The following SUMF1 variants were observed in gnomAD, a reference collection of about 807,000 sequenced individuals.
The protein encoded by SUMF1 is formylglycine-generating enzyme.
A neutral mutation model predicts 47.6 loss-of-function variants in SUMF1; 48 were observed. That is an observed-to-expected ratio of 1.01 (90% CI 0.80 to 1.28). The LOEUF (loss-of-function observed/expected upper bound fraction) is 1.28. Ranked by LOEUF, SUMF1 falls within the 50% of genes most tolerant of loss-of-function variation. The pLI, the probability that SUMF1 is intolerant of heterozygous loss-of-function variation, is 0.00. For missense variants in SUMF1, 571 were observed against 485.4 expected, an observed-to-expected ratio of 1.18 and a Z score of -1.66; for synonymous variants, 230 against 192.1, an observed-to-expected ratio of 1.20 and a Z score of -1.63.
chr3:4,338,925 A>G (rs1699211143), intron 8 of SUMF1, among the ~76,000 whole-genome samples: 1 of 152,084 alleles, frequency 6.6e-6, no homozygotes, highest in Non-Finnish European at 1.5e-5. Context: ...GCGGACTGGG[A>G]CCAGGTCTGT....
At position 4,361,721 on chromosome 3, in the gene SUMF1, A is replaced by T. The variant is rs1699763825; in HGVS notation, c.*423T>A. The T allele has an allele frequency of 4.8e-6, 1 of 207,748 alleles. No individual in the cohort carries two copies. Among genetic ancestry groups the T allele is most frequent in the Non-Finnish European group, 9.9e-6 (1 of 101,266 alleles). 12.9% of individuals were successfully genotyped at this position (207,748 alleles called of 1,614,324 possible). On this transcript the variant is annotated 3_prime_UTR_variant, in exon 9 of 9. Transcript: ENST00000272902. Reference sequence around the variant, plus strand: ...CAATAGAATCTGATACCCTTTTTAGAACTGGTGAGTTGGAGAGACACCCAG... The same window carrying T: ...CAATAGAATCTGATACCCTTTTTAGTACTGGTGAGTTGGAGAGACACCCAG...
At chr3:4,159,871 G>C (rs1694536675) in intron 8 of SUMF1, among the ~76,000 whole-genome samples, 1 of 152,082 alleles carries the variant, frequency 6.6e-6, no homozygotes. Flanking sequence ...CTTTAAATAT[G>C]TCATGCCATT....
chr3:4,310,931 T>G (rs73806996), intron 8 of SUMF1, among the ~76,000 whole-genome samples: 1,748 of 152,348 alleles, frequency 0.011, 39 homozygotes, highest in African/African-American at 0.04. Context: ...CCATTTACAT[T>G]TGAACACTGA....
rs1701773581 is a variant in SUMF1 at position 4,418,069 on chromosome 3, C to T, written c.666G>A (p.Gly222=). The change falls in exon 5 of 9, where the codon GGG becomes GGA. Residue 222 remains glycine (G), a synonymous_variant. Transcript: ENST00000272902. ...ACTCAGCTTCCGTGGGCAGCCGCTT[C>T]CCTGCCCAAGTGCAGTAGGCAACCG... ...NDAVAYCTWA[G]KRLPTEAEWE... is the part of the protein sequence containing the mutation. 1.2e-6 allele frequency: 2 copies of T among 1,613,930 alleles called. No individual in the cohort carries two copies. The highest frequency in any genetic ancestry group is 2.7e-5 in the African/African-American group (2 of 74,912).
intron 9 of SUMF1, among the ~76,000 whole-genome samples, chr3:4,049,045 C>A (rs562456639): frequency 4.5e-4 from 69 of 152,176 alleles, no homozygotes; most frequent in African/African-American, 1.7e-3. Context: ...ATTTGAAAGC[C>A]ATGGGGAGCA....
At chr3:4,455,181 C>T (rs2633859) in intron 1 of SUMF1, among the ~76,000 whole-genome samples, 55,075 of 151,966 alleles carry the variant, frequency 0.36, 10,092 homozygotes, top group Non-Finnish European at 0.39. Context: ...TTTGAGTGAG[C>T]CAATTAATAG....
chr3:4,303,227 G>C (rs1698017061), intron 8 of SUMF1: 1 of 855,806 alleles, frequency 1.2e-6, no homozygotes, highest in Non-Finnish European at 1.7e-6. Flanking sequence ...AAAAAGTCAA[G>C]GAAGGGAAGC....
chr3:4,135,654 G>A (rs961535756), intron 8 of SUMF1, among the ~76,000 whole-genome samples: 2 of 152,098 alleles, frequency 1.3e-5, no homozygotes, highest in African/African-American at 4.8e-5. Flanking sequence ...GAAATAAAGG[G>A]CATTCAATTA....
chr3:4,167,761 G>A (rs1694742023), intron 8 of SUMF1, among the ~76,000 whole-genome samples: 1 of 152,178 alleles, frequency 6.6e-6, no homozygotes, highest in Non-Finnish European at 1.5e-5. Context: ...GGTCAAAGAA[G>A]CAAGCGCTAA....
At chr3:4,155,265 A>G (rs1175083750) in intron 8 of SUMF1, among the ~76,000 whole-genome samples, 1 of 151,290 alleles carries the variant, frequency 6.6e-6, no homozygotes, top group Non-Finnish European at 1.5e-5. Context: ...TATTAATGAC[A>G]TGAAACAGGT....
chr3:4,410,676 AC>A (rs1228992571), intron 7 of SUMF1, among the ~76,000 whole-genome samples, 188 bp downstream of exon 7: 4 of 152,246 alleles, frequency 2.6e-5, no homozygotes, highest in Admixed American at 2.6e-4. Flanking sequence ...TAACATGCTC[AC>A]AGACATTTTT....
chr3:4,107,955 A>G (rs1234116215), intron 8 of SUMF1, among the ~76,000 whole-genome samples: 1 of 152,132 alleles, frequency 6.6e-6, no homozygotes, highest in Non-Finnish European at 1.5e-5. Flanking sequence ...AAGAAAAGAA[A>G]GAAAGAGATA....
intron 8 of SUMF1, among the ~76,000 whole-genome samples, chr3:4,129,345 A>C (rs1338104404): frequency 6.6e-6 from 1 of 152,142 alleles, no homozygotes; most frequent in Admixed American, 6.6e-5. Flanking sequence ...TAATCTGACT[A>C]ATGTAGAGTT....
chr3:4,129,912 A>C (rs1040327678), intron 8 of SUMF1, among the ~76,000 whole-genome samples: 2 of 152,150 alleles, frequency 1.3e-5, no homozygotes, highest in Non-Finnish European at 2.9e-5. Flanking sequence ...TGGCACAAAC[A>C]TACTTAGCAG....
rs781161220 is a variant in SUMF1 at position 4,313,181 on chromosome 3, A to AT, written c.1014+63148dup. On this transcript the variant is annotated intron_variant and NMD_transcript_variant, in intron 8 of 12. Transcript: ENST00000448413. ...TTCCACTTCCAAGTGTTCAAGACGC[A>AT]TAAAAAAGGCTGGGGACTTCGTACC... 2.5e-6 allele frequency: 4 copies of AT among 1,614,088 alleles called. No homozygotes were observed. In the East Asian group the frequency reaches 8.9e-5, roughly 36 times the overall value.
chr3:4,339,805 G>T lies in SUMF1; in HGVS notation c.1014+36525C>A, dbSNP rs554990530. 3.9e-5 allele frequency among the ~76,000 whole-genome samples: 6 copies of T among 152,288 alleles called. No homozygotes were observed. The South Asian group carries it at 1.2e-3, about 32-fold the overall frequency. On this transcript the variant is annotated intron_variant and NMD_transcript_variant, in intron 8 of 12. Transcript: ENST00000448413. ...TTGAAACACTGACTGGGCCAGGCAT[G>T]GTGGCTCACGCCTGTAATCCTAACA...
chr3:4,172,648 T>C (rs771400735), intron 8 of SUMF1, among the ~76,000 whole-genome samples: 7 of 152,228 alleles, frequency 4.6e-5, no homozygotes, highest in Non-Finnish European at 8.8e-5. Context: ...TGTCTTCTTT[T>C]GAGAAGGGTC....
intron 8 of SUMF1, among the ~76,000 whole-genome samples, chr3:4,180,764 G>C (rs896141695): frequency 1.3e-5 from 2 of 149,856 alleles, no homozygotes; most frequent in South Asian, 2.1e-4. Flanking sequence ...GAGGTGGAAA[G>C]ATCACCTTAG....
intron 8 of SUMF1, among the ~76,000 whole-genome samples, chr3:4,165,145 G>T (rs1229011904): frequency 6.6e-6 from 1 of 152,004 alleles, no homozygotes; most frequent in South Asian, 2.1e-4. Context: ...AAGATACCAG[G>T]TATCTCCAAA....
Sources: allele counts gnomAD v4.1 joint callset (sites outside exome capture counted in the v4.1 genomes callset), GRCh38; gene constraint gnomAD v4.1.1; transcripts MANE v1.5; gene names NCBI Gene and HGNC (gene_info 2026-07-23, HGNC 2026-07-21).